LUC7L: variants seen among roughly 807,000 people sequenced by gnomAD.
LUC7L encodes the protein LUC7 like.
LUC7L carries 29 observed loss-of-function variants against 51.1 expected under a neutral mutation model. The observed-to-expected ratio is 0.57, with a 90% CI of 0.42 to 0.77. The LOEUF (loss-of-function observed/expected upper bound fraction) is 0.77, where lower values mean the gene tolerates loss of function less well. LUC7L is among the 30% of genes least tolerant of loss of function. The probability of loss-of-function intolerance (pLI) is 0.00; values close to 1 mark genes in which losing one functional copy is unlikely to be tolerated. For synonymous variants in LUC7L, 181 were observed against 180.7 expected (o/e 1.00, Z -0.01); for missense variants, 403 against 511.9 (o/e 0.79, Z 2.05).
intron 3 of LUC7L, among the ~76,000 whole-genome samples, chr16:216,330 A>G (rs1337329866): frequency 6.7e-6 from 1 of 149,386 alleles, no homozygotes. Context: ...TTGAGTGAGG[A>G]GGACCTTTTT....
intron 5 of LUC7L, among the ~76,000 whole-genome samples, chr16:202,886 G>A (rs866220158): frequency 1.6e-4 from 24 of 152,296 alleles, no homozygotes; most frequent in Non-Finnish European, 2.4e-4. Flanking sequence ...AGTGGCTCAC[G>A]CCTGTAATCC....
chr16:211,637 C>A (rs2049643721), intron 3 of LUC7L, among the ~76,000 whole-genome samples: 1 of 152,136 alleles, frequency 6.6e-6, no homozygotes, highest in Admixed American at 6.6e-5. Flanking sequence ...CATTCGATTC[C>A]AAAAATTAAG....
At chr16:224,556 G>A (rs1433493008) in intron 2 of LUC7L, among the ~76,000 whole-genome samples, 1 of 151,424 alleles carries the variant, frequency 6.6e-6, no homozygotes, top group Non-Finnish European at 1.5e-5. Context: ...GAGGCCAGGC[G>A]CGGTGGCTCA....
chr16:213,640 T>C lies in LUC7L; in HGVS notation c.256-5452A>G, dbSNP rs534689155. Among the ~76,000 whole-genome samples the C allele has an allele frequency of 2.6e-5, 4 of 152,216 alleles. No individual in the cohort carries two copies. In the East Asian group the frequency reaches 7.7e-4, roughly 29 times the overall value. The stretch of plus-strand genomic sequence containing the variant: ...GACTGGTCTCGAACTCCTGACCTCA[T>C]GCAATCCGTCTGCCTCGGCCTCCCA... On this transcript the variant is annotated intron_variant, in intron 3 of 9. Transcript: ENST00000293872.
At chr16:201,244 A>AAAAAAAAAAAAAAAAAAAAAAAAAT (rs2049318467) in intron 5 of LUC7L, among the ~76,000 whole-genome samples, 1 of 38,942 alleles carries the variant, frequency 2.6e-5, no homozygotes, top group Non-Finnish European at 8.2e-5. Flanking sequence ...TACATAACTA[A>AAAAAAAAAAAAAAAAAAAAAAAAAT]AAAAAAAAAA....
chr16:227,770 G>A (rs1158789197), intron 1 of LUC7L: 4 of 1,000,564 alleles, frequency 4.0e-6, no homozygotes, highest in South Asian at 4.3e-5. Flanking sequence ...AAATGCAGAG[G>A]CAGTATTTTG....
intron 2 of LUC7L, among the ~76,000 whole-genome samples, chr16:222,469 C>A (rs1219066720): frequency 1.3e-5 from 2 of 151,884 alleles, no homozygotes; most frequent in Non-Finnish European, 2.9e-5. Context: ...AAGACCCTGT[C>A]TCTATGAAAA....
At chr16:228,936 A>C in intron 1 of LUC7L, 1 of 1,389,294 alleles carries the variant, frequency 7.2e-7, no homozygotes, top group Non-Finnish European at 9.5e-7. Flanking sequence ...AGCGACCTGG[A>C]GCCCACGCTG....
chr16:225,202 T>C (rs1363145625), intron 2 of LUC7L, among the ~76,000 whole-genome samples: 1 of 151,870 alleles, frequency 6.6e-6, no homozygotes, highest in Non-Finnish European at 1.5e-5. Flanking sequence ...GAAAACACAG[T>C]TCTGGCCGGG....
intron 6 of LUC7L, among the ~76,000 whole-genome samples, chr16:194,797 C>G (rs2049105286): frequency 6.6e-6 from 1 of 152,164 alleles, no homozygotes; most frequent in Non-Finnish European, 1.5e-5. Context: ...TCAACACAAG[C>G]TGAGTGGAAA....
chr16:201,978 A>C (rs571539960), intron 5 of LUC7L, among the ~76,000 whole-genome samples: 203 of 151,720 alleles, frequency 1.3e-3, no homozygotes, highest in Middle Eastern at 6.8e-3. Flanking sequence ...TCCTGACCTC[A>C]GGTGATGCAC....
chr16:206,213 G>A, intron 4 of LUC7L, 66 bp from the exon 5 acceptor site: 5 of 1,478,834 alleles, frequency 3.4e-6, no homozygotes, highest in Non-Finnish European at 4.7e-6. Flanking sequence ...GGCAACAAGG[G>A]TTTCTCCTGC....
chr16:218,416 G>T (rs1000034731), intron 3 of LUC7L, among the ~76,000 whole-genome samples: 1 of 152,114 alleles, frequency 6.6e-6, no homozygotes, highest in Admixed American at 6.6e-5. Context: ...TTAAAATTGA[G>T]TGAGTTTAAA....
At chr16:227,217 A>T in intron 2 of LUC7L, 25 bp downstream of exon 2, 1 of 1,595,298 alleles carries the variant, frequency 6.3e-7, no homozygotes, top group Non-Finnish European at 8.6e-7. Flanking sequence ...AGAGTGTTCC[A>T]TGAGGTCCCC....
At chr16:228,469 T>C in intron 1 of LUC7L, 2 of 1,251,714 alleles carry the variant, frequency 1.6e-6, no homozygotes, top group Non-Finnish European at 2.1e-6. Context: ...GGGAAGCAAT[T>C]CAAAAGCAAC....
chr16:206,970 C>T (rs1459177287), intron 4 of LUC7L, among the ~76,000 whole-genome samples: 2 of 148,778 alleles, frequency 1.3e-5, no homozygotes, highest in African/African-American at 4.9e-5. Context: ...GAAAACGAGG[C>T]GGGCAGATCA....
intron 5 of LUC7L, among the ~76,000 whole-genome samples, chr16:200,815 G>A (rs766311416): frequency 6.6e-6 from 1 of 152,072 alleles, no homozygotes; most frequent in Non-Finnish European, 1.5e-5. Flanking sequence ...CCAGGAGGTT[G>A]AAGGGGCAGT....
At position 189,142 on chromosome 16, in the gene LUC7L, T is replaced by C; in HGVS notation, c.*56A>G. The C allele has an allele frequency of 6.6e-7, 1 of 1,512,358 alleles. No individual in the cohort carries two copies. The highest frequency in any genetic ancestry group is 9.0e-7 in the Non-Finnish European group (1 of 1,112,894). The allele number at this position is 1,512,358 out of a possible 1,614,324, so 93.7% of individuals were successfully genotyped here. ...AGTTGTATTCAGCAAATATAAAGGG[T>C]AATTTTAGACTGTGTGAACGTTTAT... On this transcript the variant is annotated 3_prime_UTR_variant, in exon 10 of 10. Coordinates refer to ENST00000293872, the MANE Select transcript of LUC7L (RefSeq NM_201412.3).
chr16:207,732 G>A (rs376863018), intron 4 of LUC7L, among the ~76,000 whole-genome samples: 10 of 152,248 alleles, frequency 6.6e-5, no homozygotes, highest in South Asian at 6.2e-4. Flanking sequence ...TGACAACGCC[G>A]GGCGCGGTGG....
Sources: gnomAD v4.1 joint callset for allele counts (sites outside exome capture counted in the v4.1 genomes callset) on GRCh38, gnomAD v4.1.1 for gene constraint, MANE v1.5 for transcripts, NCBI Gene and HGNC (gene_info 2026-07-23, HGNC 2026-07-21) for gene names.